The following ATAD2B variants were observed in gnomAD, a reference collection of about 807,000 sequenced individuals.
The protein encoded by ATAD2B is ATPase family AAA domain containing 2B, also known as ATPase family AAA domain-containing protein 2B.
In ATAD2B, 40 loss-of-function variants were observed where a neutral mutation model predicts 167.6. The observed-to-expected ratio is 0.24, with a 90% CI of 0.19 to 0.31. The LOEUF is 0.31. Ranked by LOEUF, ATAD2B falls within the 10% of genes least tolerant of loss-of-function variation. ATAD2B has a pLI of 1.00. For synonymous variants in ATAD2B, 579 were observed against 596.5 expected (o/e 0.97, Z 0.43); for missense variants, 1,242 against 1,757.2 (o/e 0.71, Z 5.24).
chr2:23,798,082 G>A, intron 19 of ATAD2B, 56 bp downstream of exon 19: 4 of 1,160,628 alleles, frequency 3.4e-6, no homozygotes, highest in East Asian at 2.7e-5. Flanking sequence ...AATTTACAGA[G>A]TCAACTATTT....
intron 1 of ATAD2B, among the ~76,000 whole-genome samples, chr2:23,920,607 G>C: frequency 6.6e-6 from 1 of 152,060 alleles, no homozygotes; most frequent in East Asian, 1.9e-4. Flanking sequence ...TATAGTGCCT[G>C]CCTTCATGGC....
In ATAD2B at chr2:23,817,576, A is replaced by G. The variant is rs138291655; in HGVS notation, c.2267+2171T>C. On this transcript the variant is annotated intron_variant, in intron 17 of 27. Coordinates refer to ENST00000238789, the MANE Select transcript of ATAD2B (RefSeq NM_017552.4). ...ATTGAAATGTTTGTCACCCCCAACC[A>G]TGAGACCTTCTCCAAAGTAAGAACT... 4.4e-3 allele frequency among the ~76,000 whole-genome samples: 664 copies of G among 152,308 alleles called. 6 individuals carry two copies. Among genetic ancestry groups the G allele is most frequent in the Admixed American group, 7.1e-3 (109 of 15,294 alleles).
the ATAD2B span, chr2:23,703,918 G>A: frequency 6.7e-6 from 10 of 1,486,138 alleles, no homozygotes; most frequent in Admixed American, 8.8e-5. Context: ...GGAGGAGGAG[G>A]GGTGTGACCA....
intron 1 of ATAD2B, among the ~76,000 whole-genome samples, chr2:23,899,183 G>A (rs1281588327): frequency 2.0e-5 from 3 of 151,838 alleles, no homozygotes; most frequent in Non-Finnish European, 4.4e-5. Flanking sequence ...ATAGTGGTAT[G>A]CACCAGTGGT....
chr2:23,821,234 G>A (rs961538066), intron 16 of ATAD2B, among the ~76,000 whole-genome samples: 16 of 152,238 alleles, frequency 1.1e-4, no homozygotes, highest in African/African-American at 3.6e-4. Flanking sequence ...AGAAAACATA[G>A]ATAATAATGC....
At chr2:23,737,306 C>T in the ATAD2B span, among the ~76,000 whole-genome samples, 1 of 152,138 alleles carries the variant, frequency 6.6e-6, no homozygotes, top group Admixed American at 6.5e-5. Context: ...CCAGTAGGAG[C>T]GGACTGACAC....
intron 1 of ATAD2B, among the ~76,000 whole-genome samples, chr2:23,922,986 T>C (rs939932076): frequency 5.9e-5 from 9 of 152,188 alleles, no homozygotes; most frequent in Non-Finnish European, 8.8e-5. Flanking sequence ...TACCATATGA[T>C]CCAGCAATCC....
the ATAD2B span, among the ~76,000 whole-genome samples, chr2:23,678,327 C>T: frequency 5.9e-5 from 9 of 152,240 alleles, no homozygotes; most frequent in Non-Finnish European, 1.3e-4. Context: ...TGAGACGGGT[C>T]GTTAGAGGGG....
chr2:23,882,502 TAAAAAAAAAA>T (rs770725105), intron 6 of ATAD2B, among the ~76,000 whole-genome samples: 7 of 92,234 alleles, frequency 7.6e-5, no homozygotes, highest in Middle Eastern at 6.9e-3. Context: ...AGCCTCTATT[TAAAAAAAAAA>T]AAAAAAAAAA....
chr2:23,909,396 G>A (rs1180735695), intron 1 of ATAD2B, among the ~76,000 whole-genome samples: 1 of 151,456 alleles, frequency 6.6e-6, no homozygotes, highest in Non-Finnish European at 1.5e-5. Context: ...GTGACAAAGT[G>A]AGACATTGCC....
At chr2:23,798,359 A>G (rs371392954) in intron 18 of ATAD2B, 36 bp from the exon 19 acceptor site, 43 of 1,489,268 alleles carry the variant, frequency 2.9e-5, no homozygotes, top group Admixed American at 1.1e-4. Flanking sequence ...AAACAACTCA[A>G]ATTGATTATT....
At chr2:23,756,845 A>G (rs1676008116) in intron 25 of ATAD2B, among the ~76,000 whole-genome samples, 2 of 152,198 alleles carry the variant, frequency 1.3e-5, no homozygotes, top group African/African-American at 4.8e-5. Flanking sequence ...ACGAGAGGCA[A>G]TTAAAATACA....
chr2:23,693,561 C>T, the ATAD2B span: 1 of 1,535,408 alleles, frequency 6.5e-7, no homozygotes, highest in South Asian at 1.2e-5. Context: ...CCCCTTCTCT[C>T]TGGGTTTGGG....
At position 23,757,777 on chromosome 2, in the gene ATAD2B, T is replaced by C. The variant is rs777628904; in HGVS notation, c.3719A>G (p.Asn1240Ser). Residue 1240 changes from asparagine to serine, a missense_variant, in exon 25 of 28, where the codon AAT becomes AGT. Asn to Ser is a conservative substitution (Grantham distance 46). Transcript: ENST00000238789. ...GCTGCTGTTGACCAGTAGAGATTCATTTGAACTTTCCTCCTCAGTAGATGC... is the reference window on the plus strand; with the variant it reads ...GCTGCTGTTGACCAGTAGAGATTCACTTGAACTTTCCTCCTCAGTAGATGC... ...NFASTEEESS[N>S]ESLLVNSSSS... The C allele has an allele frequency of 1.2e-5, 19 of 1,583,190 alleles. No individual in the cohort carries two copies. The highest frequency in any genetic ancestry group is 2.2e-5 in the East Asian group (1 of 44,718).
intron 15 of ATAD2B, chr2:23,827,732 T>G (rs1047672060): frequency 3.3e-5 from 5 of 152,660 alleles, no homozygotes; most frequent in Non-Finnish European, 7.3e-5. Flanking sequence ...GTTTGGCGCA[T>G]GCTCTCTTAT....
At chr2:23,728,948 C>T in the ATAD2B span, among the ~76,000 whole-genome samples, 5 of 152,098 alleles carry the variant, frequency 3.3e-5, no homozygotes, top group Non-Finnish European at 2.9e-5. Context: ...GGGGAGGCCT[C>T]AGGAAACTTA....
chr2:23,820,743 G>A (rs1310343020), intron 16 of ATAD2B, among the ~76,000 whole-genome samples: 3 of 152,040 alleles, frequency 2.0e-5, no homozygotes, highest in Non-Finnish European at 1.5e-5. Context: ...ACATTTAATC[G>A]AGACCATCCT....
At chr2:23,885,496 C>A (rs187214394) in intron 5 of ATAD2B, among the ~76,000 whole-genome samples, 13 of 152,252 alleles carry the variant, frequency 8.5e-5, no homozygotes, top group African/African-American at 3.1e-4. Flanking sequence ...CACAGTTGCA[C>A]TTTAAGGTGA....
chr2:23,926,020 G>A (rs1479083066), intron 1 of ATAD2B, among the ~76,000 whole-genome samples: 1 of 152,166 alleles, frequency 6.6e-6, no homozygotes. Flanking sequence ...GTTGGTGTCA[G>A]AGCAGCTACA....
Sources: allele counts gnomAD v4.1 joint callset (sites outside exome capture counted in the v4.1 genomes callset), GRCh38; gene constraint gnomAD v4.1.1; transcripts MANE v1.5; gene names NCBI Gene and HGNC (gene_info 2026-07-23, HGNC 2026-07-21).